The following ZDHHC14 variants were observed in gnomAD, a reference collection of about 807,000 sequenced individuals.
ZDHHC14 encodes the protein palmitoyltransferase ZDHHC14.
Under a neutral mutation model 47.7 loss-of-function variants are expected in ZDHHC14, and 16 were observed. That is an observed-to-expected ratio of 0.34 (90% confidence interval 0.23 to 0.51). The LOEUF is 0.51. Among genes scored for constraint, ZDHHC14 ranks in the 20% least tolerant of loss-of-function variants. The pLI is 0.97. For synonymous variants in ZDHHC14, 293 were observed against 278.9 expected (o/e 1.05, Z -0.50); for missense variants, 515 against 662.5 (o/e 0.78, Z 2.44).
At chr6:157,617,987 T>C (rs1354268855) in intron 3 of ZDHHC14, among the ~76,000 whole-genome samples, 1 of 152,200 alleles carries the variant, frequency 6.6e-6, no homozygotes, top group Non-Finnish European at 1.5e-5. Context: ...GCACTATTGA[T>C]TTCAAGACCC....
At chr6:157,521,524 TC>T (rs1420720422) in intron 1 of ZDHHC14, among the ~76,000 whole-genome samples, 3 of 152,356 alleles carry the variant, frequency 2.0e-5, no homozygotes, top group African/African-American at 7.2e-5. Context: ...GGACCCACTT[TC>T]TGGTTCAAAG....
intron 8 of ZDHHC14, among the ~76,000 whole-genome samples, chr6:157,658,030 A>G (rs77809650): frequency 0.014 from 2,159 of 152,364 alleles, 58 homozygotes; most frequent in African/African-American, 0.047. Flanking sequence ...AGACATGTCA[A>G]GCACTTAAAA....
At chr6:157,639,951 G>T (rs1777168412) in intron 5 of ZDHHC14, among the ~76,000 whole-genome samples, 1 of 152,230 alleles carries the variant, frequency 6.6e-6, no homozygotes, top group African/African-American at 2.4e-5. Context: ...TGCATGTAAT[G>T]TGGAAGGAGG....
At chr6:157,385,548 C>G (rs1028508765) in intron 1 of ZDHHC14, among the ~76,000 whole-genome samples, 2 of 152,250 alleles carry the variant, frequency 1.3e-5, no homozygotes, top group African/African-American at 4.8e-5. Flanking sequence ...CATCCCAGCT[C>G]TCATTCCTGA....
At chr6:157,421,492 C>CAAAAAAAAAAAAAAAAAAAAAAAAAA in intron 1 of ZDHHC14, among the ~76,000 whole-genome samples, 1 of 56,708 alleles carries the variant, frequency 1.8e-5, no homozygotes, top group Non-Finnish European at 3.0e-5. Flanking sequence ...GACTCCGTCT[C>CAAAAAAAAAAAAAAAAAAAAAAAAAA]AAAAAAAAAA....
chr6:157,433,527 C>T (rs1289347026), intron 1 of ZDHHC14, among the ~76,000 whole-genome samples: 1 of 152,184 alleles, frequency 6.6e-6, no homozygotes, highest in African/African-American at 2.4e-5. Context: ...AGCTGTCTAC[C>T]TGCAGAGTCC....
At chr6:157,540,726 G>A (rs368600281) in intron 1 of ZDHHC14, among the ~76,000 whole-genome samples, 1 of 151,912 alleles carries the variant, frequency 6.6e-6, no homozygotes, top group Non-Finnish European at 1.5e-5. Flanking sequence ...AAACTATGTC[G>A]AATTGTGAAT....
chr6:157,414,177 C>T (rs528964856), intron 1 of ZDHHC14, among the ~76,000 whole-genome samples: 2 of 152,234 alleles, frequency 1.3e-5, no homozygotes, highest in South Asian at 4.2e-4. Flanking sequence ...GGTGATCCTC[C>T]CACCTTGGCT....
At chr6:157,437,835 A>AT (rs1778473153) in intron 1 of ZDHHC14, among the ~76,000 whole-genome samples, 1 of 152,168 alleles carries the variant, frequency 6.6e-6, no homozygotes, top group Non-Finnish European at 1.5e-5. Flanking sequence ...TATAGGTCAG[A>AT]TTTTTACAGA....
At chr6:157,398,016 C>T (rs1423109761) in intron 1 of ZDHHC14, among the ~76,000 whole-genome samples, 1 of 151,890 alleles carries the variant, frequency 6.6e-6, no homozygotes, top group Non-Finnish European at 1.5e-5. Context: ...CTCCTCAGCT[C>T]CCGAGCCCCT....
At chr6:157,641,311 C>G (rs561072844) in intron 5 of ZDHHC14, among the ~76,000 whole-genome samples, 1 of 152,286 alleles carries the variant, frequency 6.6e-6, no homozygotes, top group East Asian at 1.9e-4. Context: ...GATAGGGATG[C>G]CAAATGCTCC....
intron 1 of ZDHHC14, among the ~76,000 whole-genome samples, chr6:157,508,163 G>A (rs1279787027): frequency 6.6e-6 from 1 of 152,128 alleles, no homozygotes; most frequent in Non-Finnish European, 1.5e-5. Context: ...TGGTGTTTTG[G>A]AGGTTTTGTT....
intron 1 of ZDHHC14, among the ~76,000 whole-genome samples, chr6:157,424,712 T>TAA (rs1778181850): frequency 6.6e-6 from 1 of 152,206 alleles, no homozygotes; most frequent in African/African-American, 2.4e-5. Context: ...GAGATTCGAT[T>TAA]AATGATTAAA....
chr6:157,404,235 C>T (rs550526597), intron 1 of ZDHHC14, among the ~76,000 whole-genome samples: 13 of 152,278 alleles, frequency 8.5e-5, no homozygotes, highest in Non-Finnish European at 1.3e-4. Context: ...CTCCCAGGTT[C>T]AAGTGGTTCT....
At chr6:157,653,407 T>C (rs1777929813) in intron 7 of ZDHHC14, 118 bp from the exon 8 acceptor site, 2 of 932,788 alleles carry the variant, frequency 2.1e-6, no homozygotes, top group Non-Finnish European at 3.3e-6. Flanking sequence ...TAGTCTAAGT[T>C]GCCTGAGGTG....
intron 1 of ZDHHC14, among the ~76,000 whole-genome samples, chr6:157,383,993 TGC>T (rs1777264756): frequency 6.6e-6 from 1 of 152,252 alleles, no homozygotes; most frequent in Non-Finnish European, 1.5e-5. Context: ...GGAAGCGTGA[TGC>T]CATGTGGTTT....
intron 3 of ZDHHC14, among the ~76,000 whole-genome samples, chr6:157,612,843 G>GAAA (rs67622838): frequency 4.2e-4 from 62 of 147,650 alleles, no homozygotes; most frequent in African/African-American, 1.5e-3. Context: ...CTCTCTTAGA[G>GAAA]AAAAAAAAAA....
Position 157,650,076 on chromosome 6 carries a change from C to T in ZDHHC14, c.965+2708C>T, listed in dbSNP as rs938400833. Among the ~76,000 whole-genome samples, 22 of 147,822 alleles carry T rather than the reference C, an allele frequency of 1.5e-4. 2 individuals are homozygous for T. The highest frequency in any genetic ancestry group is 5.6e-4 in the African/African-American group (22 of 39,496). ...CTCTGTGCCAGGCGCTGTGGGTGCA[C>T]GGGAGAGGGGCTGGCTCTGTGCCAG... On this transcript the variant is annotated intron_variant, in intron 7 of 8. Transcript: ENST00000359775.
chr6:157,448,300 C>T (rs1778727893), intron 1 of ZDHHC14, among the ~76,000 whole-genome samples: 1 of 152,022 alleles, frequency 6.6e-6, no homozygotes, highest in African/African-American at 2.4e-5. Flanking sequence ...TCACCTTATC[C>T]CTCTCCCAAA....
Sources: allele counts gnomAD v4.1 joint callset (sites outside exome capture counted in the v4.1 genomes callset), GRCh38; gene constraint gnomAD v4.1.1; transcripts MANE v1.5; gene names NCBI Gene and HGNC (gene_info 2026-07-23, HGNC 2026-07-21).